Variants in PDE1C observed in about 807,000 individuals in gnomAD.
The protein encoded by PDE1C is dual specificity calcium/calmodulin-dependent 3',5'-cyclic nucleotide phosphodiesterase 1C.
A neutral mutation model predicts 93.1 loss-of-function variants in PDE1C; 62 were observed. The observed-to-expected ratio is 0.67, with a 90% confidence interval of 0.54 to 0.82. The LOEUF (loss-of-function observed/expected upper bound fraction) is 0.82. PDE1C is among the 40% of genes least tolerant of loss of function. PDE1C has a pLI of 0.00. For synonymous variants in PDE1C, 325 were observed against 310.1 expected (o/e 1.05, Z -0.50); for missense variants, 742 against 884.6 (o/e 0.84, Z 2.04).
At chr7:31,824,842 T>G in intron 13 of PDE1C, 25 bp downstream of exon 13, 1 of 1,610,824 alleles carries the variant, frequency 6.2e-7, no homozygotes, top group Middle Eastern at 1.7e-4. Flanking sequence ...AACCTCACCC[T>G]CAGCCCTCAA....
chr7:31,909,697 C>T (rs1800998469), intron 2 of PDE1C, among the ~76,000 whole-genome samples: 1 of 152,076 alleles, frequency 6.6e-6, no homozygotes, highest in East Asian at 1.9e-4. Context: ...TTATGATTGA[C>T]AGCATTTTAT....
intron 2 of PDE1C, among the ~76,000 whole-genome samples, chr7:32,186,087 G>GTTTTTTTTTTTTTTTT (rs10561469): frequency 7.8e-6 from 1 of 128,570 alleles, no homozygotes; most frequent in Non-Finnish European, 1.7e-5. Flanking sequence ...TTGTTTTTTT[G>GTTTTTTTTTTTTTTTT]TTTTTTTTTT....
intron 2 of PDE1C, among the ~76,000 whole-genome samples, chr7:32,196,371 A>C (rs1239710904): frequency 6.6e-6 from 1 of 152,030 alleles, no homozygotes; most frequent in Admixed American, 6.6e-5. Context: ...GAGTAGAGTT[A>C]TGTTAGGGCT....
chr7:31,985,364 A>G (rs1411296978), intron 2 of PDE1C, among the ~76,000 whole-genome samples: 1 of 151,776 alleles, frequency 6.6e-6, no homozygotes, highest in Non-Finnish European at 1.5e-5. Flanking sequence ...AGGAACCTTG[A>G]GAAATCTTTT....
intron 15 of PDE1C, among the ~76,000 whole-genome samples, chr7:31,810,816 T>C (rs888508831): frequency 1.3e-5 from 2 of 152,266 alleles, no homozygotes; most frequent in East Asian, 3.9e-4. Context: ...GACTTCTGTT[T>C]ACTATTTCCA....
chr7:31,843,812 A>G (rs892341736), intron 9 of PDE1C, among the ~76,000 whole-genome samples: 38 of 151,708 alleles, frequency 2.5e-4, no homozygotes, highest in Admixed American at 2.3e-3. Context: ...TTTTAAATCA[A>G]TTTTAATTTA....
chr7:32,108,433 C>CCACA (rs10696295), intron 3 of PDE1C, among the ~76,000 whole-genome samples: 7,690 of 146,720 alleles, frequency 0.052, 569 homozygotes, highest in African/African-American at 0.17. Context: ...AGAAAAAAAA[C>CCACA]CACACACACA....
chr7:32,194,351 T>C (rs1317984463), intron 2 of PDE1C, among the ~76,000 whole-genome samples: 1 of 152,246 alleles, frequency 6.6e-6, no homozygotes, highest in Non-Finnish European at 1.5e-5. Flanking sequence ...CTGATATTCA[T>C]AATTTGTGTC....
intron 2 of PDE1C, among the ~76,000 whole-genome samples, chr7:31,981,968 T>C (rs1467944519): frequency 6.6e-6 from 1 of 152,226 alleles, no homozygotes; most frequent in African/African-American, 2.4e-5. Context: ...TTCCCAAATA[T>C]ATATTTTTTC....
intron 1 of PDE1C, among the ~76,000 whole-genome samples, chr7:32,236,576 G>A (rs1461914252): frequency 6.6e-6 from 1 of 152,178 alleles, no homozygotes; most frequent in Non-Finnish European, 1.5e-5. Flanking sequence ...ATCTATTAAG[G>A]AAATGCCAAT....
At chr7:31,765,871 G>A (rs17405717) in intron 17 of PDE1C, among the ~76,000 whole-genome samples, 70,778 of 151,926 alleles carry the variant, frequency 0.47, 16,872 homozygotes, top group African/African-American at 0.5. Flanking sequence ...TTTAGAATCA[G>A]TCTTTAACCA....
intron 2 of PDE1C, among the ~76,000 whole-genome samples, chr7:32,006,060 T>C (rs1475715374): frequency 6.6e-6 from 1 of 152,236 alleles, no homozygotes; most frequent in Non-Finnish European, 1.5e-5. Flanking sequence ...TGCAGATCAA[T>C]AATAAGTCTA....
intron 2 of PDE1C, among the ~76,000 whole-genome samples, chr7:32,002,219 A>T (rs1785559548): frequency 6.6e-6 from 1 of 152,194 alleles, no homozygotes; most frequent in Non-Finnish European, 1.5e-5. Flanking sequence ...CCCTGACACT[A>T]ATGAAGTCAC....
rs567372343 is a variant in PDE1C, at chr7:32,427,591, A to G, written c.310+231T>C. Among the ~76,000 whole-genome samples the G allele has an allele frequency of 7.9e-5, 12 of 152,228 alleles. No individual in the cohort carries two copies. In the East Asian group the frequency reaches 2.3e-3, roughly 29 times the overall value. ...CCCCGGTACTAAGCTGGGGAAAGGG[A>G]TCCTTAGGGTGTAAACTGTCTTGCC... On this transcript the variant is annotated intron_variant, in intron 1 of 1. Coordinates refer to the PDE1C transcript ENST00000672256.
In PDE1C at chr7:31,873,312, C is replaced by T; in HGVS notation, c.589G>A (p.Asp197Asn). 1 of 1,610,570 alleles carries T rather than the reference C, an allele frequency of 6.2e-7. No homozygotes were observed. The highest frequency in any genetic ancestry group is 8.5e-7 in the Non-Finnish European group (1 of 1,176,892). The change falls in exon 6 of 18, where the codon GAT (aspartate) becomes AAT (asparagine). Residue 197 changes from aspartate to asparagine, a missense_variant. Around this residue, in one of 4 missense-constraint regions of PDE1C, gnomAD observed 205 missense variants for 295.3 expected, o/e 0.69. Transcript: ENST00000396191. ...CTGACCTTGAAACGGCTGATCAGAT[C>T]ATAACGTGTGAGTAGTTCATAGAAA... ...FIFYELLTRY[D>N]LISRFKIPIS...
chr7:31,724,086 C>A, the PDE1C span, among the ~76,000 whole-genome samples: 1 of 152,180 alleles, frequency 6.6e-6, no homozygotes, highest in African/African-American at 2.4e-5. Flanking sequence ...AACTTTATAT[C>A]TGCCCTACCT....
chr7:31,880,159 T>C (rs1036333217), intron 3 of PDE1C, among the ~76,000 whole-genome samples: 1 of 152,186 alleles, frequency 6.6e-6, no homozygotes, highest in Non-Finnish European at 1.5e-5. Context: ...ACCACACCTT[T>C]CGTATTCAAC....
intron 10 of PDE1C, 96 bp downstream of exon 10, chr7:31,837,772 TTG>T: frequency 1.3e-6 from 1 of 751,672 alleles, no homozygotes; most frequent in South Asian, 1.6e-5. Context: ...CTCTATAAAG[TTG>T]TGTTAAAGGA....
At chr7:32,064,372 C>A (rs1297542206) in intron 1 of PDE1C, among the ~76,000 whole-genome samples, 2 of 152,182 alleles carry the variant, frequency 1.3e-5, no homozygotes, top group Non-Finnish European at 2.9e-5. Flanking sequence ...ACCAAATTCA[C>A]TGAGACATCT....
Sources: allele counts gnomAD v4.1 joint callset (sites outside exome capture counted in the v4.1 genomes callset), GRCh38; gene constraint gnomAD v4.1.1; regional missense constraint gnomAD v4.1.1; transcripts MANE v1.5; gene names NCBI Gene and HGNC (gene_info 2026-07-23, HGNC 2026-07-21).